Variants in SNRPA1 observed in about 807,000 individuals in gnomAD.
SNRPA1 encodes the protein U2 small nuclear ribonucleoprotein A'.
Under a neutral mutation model 32.3 loss-of-function variants are expected in SNRPA1, and 5 were observed. The observed-to-expected ratio is 0.15, with a 90% CI of 0.08 to 0.33. The LOEUF is 0.33. SNRPA1 is among the 10% of genes least tolerant of loss of function. The pLI, the probability that SNRPA1 is intolerant of heterozygous loss-of-function variation, is 1.00. For synonymous variants in SNRPA1, 111 were observed against 120.1 expected, an observed-to-expected ratio of 0.92 and a Z score of 0.50; for missense variants, 198 against 311.1, an observed-to-expected ratio of 0.64 and a Z score of 2.74.
intron 1 of SNRPA1, among the ~76,000 whole-genome samples, chr15:101,293,764 T>G (rs1351670841): frequency 6.6e-6 from 1 of 152,202 alleles, no homozygotes; most frequent in Non-Finnish European, 1.5e-5. Context: ...TTGGGCATAA[T>G]TATTGTGTTA....
intron 1 of SNRPA1, 160 bp from the exon 2 acceptor site, chr15:101,293,332 T>G: frequency 2.0e-6 from 1 of 506,228 alleles, no homozygotes; most frequent in Non-Finnish European, 3.5e-6. Flanking sequence ...TGCCGCTGTT[T>G]AAGATACTAG....
intron 8 of SNRPA1, among the ~76,000 whole-genome samples, chr15:101,284,403 G>C (rs1323963428): frequency 6.6e-6 from 1 of 152,090 alleles, no homozygotes; most frequent in Non-Finnish European, 1.5e-5. Flanking sequence ...AGTCCACATG[G>C]CTATCGCTAG....
At chr15:101,287,414 T>G (rs2039468567) in intron 4 of SNRPA1, among the ~76,000 whole-genome samples, 2 of 152,114 alleles carry the variant, frequency 1.3e-5, no homozygotes, top group Admixed American at 1.3e-4. Flanking sequence ...AATTCTCACC[T>G]ACGAGTGAGA....
chr15:101,286,205 G>GT lies in SNRPA1; in HGVS notation c.539+8dup. On this transcript the variant is annotated intron_variant, in intron 6 of 8. Transcript: ENST00000254193. ...TGAAGTAGAGTTAAGTTGGATATCC[G>GT]TGTCTTACGTTTTGCTTCTCCTGGC... is the stretch of plus-strand genomic sequence containing the variant. 6.2e-7 allele frequency: 1 copy of GT among 1,610,316 alleles called. No individual in the cohort carries two copies. The highest frequency in any genetic ancestry group is 1.1e-5 in the South Asian group (1 of 90,942).
rs145475783 is a variant in SNRPA1 at position 101,283,796 on chromosome 15, C to T, written c.709+1171G>A. 2.2e-3 allele frequency among the ~76,000 whole-genome samples: 337 copies of T among 152,236 alleles called. 4 individuals carry two copies. Among genetic ancestry groups the T allele is most frequent in the East Asian group, 0.022 (112 of 5,172 alleles). On this transcript the variant is annotated intron_variant, in intron 8 of 8. Coordinates refer to ENST00000254193, the MANE Select transcript of SNRPA1 (RefSeq NM_003090.4). ...CTGTCTCTACTAAAAATTAATTAGCCGGGCACGGTAGCAGGTGCCTGTAAT... is the reference window on the plus strand; with the variant it reads ...CTGTCTCTACTAAAAATTAATTAGCTGGGCACGGTAGCAGGTGCCTGTAAT...
chr15:101,295,168 A>G lies in SNRPA1; in HGVS notation c.11T>C (p.Leu4Pro). MVKLTAELIEQAAQ... is the reference protein window; with the variant it reads MVKPTAELIEQAAQ... The stretch of plus-strand genomic sequence containing the variant: ...CGCCTGCTCGATCAGCTCCGCCGTC[A>G]GCTTGACCATCCTGCAGCCTCCCGT... The change falls in exon 1 of 9, where the codon CTG becomes CCG. Residue 4 changes from leucine to proline, a missense_variant. Leu to Pro is a moderately conservative substitution (Grantham distance 98). Coordinates refer to ENST00000254193, the MANE Select transcript of SNRPA1 (RefSeq NM_003090.4). 1.3e-6 allele frequency: 2 copies of G among 1,554,538 alleles called. No individual in the cohort carries two copies. The highest frequency in any genetic ancestry group is 1.7e-6 in the Non-Finnish European group (2 of 1,154,612).
rs183075062 is a variant in SNRPA1, at chr15:101,285,647, G to A, written c.615+79C>T. ...TGGGAAAATGAAATCTGCAATGTTC[G>A]GAACATGTTTATTATCCAGCTTTGT... On this transcript the variant is annotated intron_variant, in intron 7 of 8. Transcript: ENST00000254193. 5.7e-4 allele frequency: 552 copies of A among 963,552 alleles called. 1 individual carries two copies. Among genetic ancestry groups the A allele is most frequent in the Middle Eastern group, 1.2e-3 (6 of 4,810 alleles). The allele number at this position is 963,552 out of a possible 1,614,324, so 59.7% of individuals were successfully genotyped here.
chr15:101,292,133 T>TA, intron 2 of SNRPA1, 93 bp from the exon 3 acceptor site: 1 of 854,636 alleles, frequency 1.2e-6, no homozygotes, highest in Non-Finnish European at 1.9e-6. Context: ...GAGAGACACT[T>TA]AGAGATCCTT....
intron 3 of SNRPA1, chr15:101,288,064 T>C: frequency 4.3e-6 from 1 of 233,400 alleles, no homozygotes; most frequent in Non-Finnish European, 8.7e-6. Context: ...AGAATCTTGG[T>C]GTAAGTGGGC....
chr15:101,285,600 T>A, intron 7 of SNRPA1, 126 bp downstream of exon 7: 1 of 656,574 alleles, frequency 1.5e-6, no homozygotes, highest in South Asian at 1.9e-5. Flanking sequence ...TAAACAGAAA[T>A]ATTGCTGTAT....
In SNRPA1 at chr15:101,295,236, C is replaced by G; in HGVS notation, c.-58G>C. On this transcript the variant is annotated 5_prime_UTR_variant, in exon 1 of 9. Coordinates refer to ENST00000254193, the MANE Select transcript of SNRPA1 (RefSeq NM_003090.4). ...AGCCCGTGGCCTCCCGCCAGCGAGA[C>G]GTCCCAGCGTGCCCCGCGCCCCGCC... 1 of 1,394,630 alleles carries G rather than the reference C, an allele frequency of 7.2e-7. No homozygotes were observed. Among genetic ancestry groups the G allele is most frequent in the Non-Finnish European group, 9.5e-7 (1 of 1,052,772 alleles). The allele number at this position is 1,394,630 out of a possible 1,614,324, so 86.4% of individuals were successfully genotyped here.
chr15:101,281,943 G>A (rs898836129), intron 8 of SNRPA1, among the ~76,000 whole-genome samples, 161 bp from the exon 9 acceptor site: 1 of 152,236 alleles, frequency 6.6e-6, no homozygotes, highest in African/African-American at 2.4e-5. Flanking sequence ...TCCAGGGACG[G>A]TCTAGTCTGT....
chr15:101,291,826 G>T, intron 3 of SNRPA1, 136 bp downstream of exon 3: 2 of 584,920 alleles, frequency 3.4e-6, no homozygotes, highest in Non-Finnish European at 6.1e-6. Context: ...AACCCAAAAG[G>T]CCCAGATCCT....
intron 7 of SNRPA1, 145 bp from the exon 8 acceptor site, chr15:101,285,205 T>C: frequency 5.2e-6 from 3 of 581,238 alleles, no homozygotes; most frequent in Non-Finnish European, 9.2e-6. Flanking sequence ...GGGAAGAATG[T>C]TATTGGCCCA....
rs529876246 is a variant in SNRPA1 at position 101,286,402 on chromosome 15, T to C, written c.460-109A>G. 7 of 891,320 alleles carry C rather than the reference T, an allele frequency of 7.9e-6. No individual in the cohort carries two copies. In the African/African-American group the frequency reaches 1.0e-4, roughly 13 times the overall value. The allele number at this position is 891,320 out of a possible 1,614,324, so 55.2% of individuals were successfully genotyped here. A position where few individuals can be genotyped will look rare whatever the true frequency, so the allele number is the denominator to read the frequency against. On this transcript the variant is annotated intron_variant, in intron 5 of 8. Coordinates refer to ENST00000254193, the MANE Select transcript of SNRPA1 (RefSeq NM_003090.4). The stretch of plus-strand genomic sequence containing the variant: ...ACTCTCCTACAGTACTCCGGGCTGG[T>C]GAAAATACCAAAAAGCAATTTCAAA...
At chr15:101,285,134 A>T (rs962795709) in intron 7 of SNRPA1, 74 bp from the exon 8 acceptor site, 1 of 1,002,800 alleles carries the variant, frequency 1.0e-6, no homozygotes, top group Non-Finnish European at 1.6e-6. Context: ...ACTAAGTGTC[A>T]ATCACCTACA....
At chr15:101,285,940 T>C in intron 6 of SNRPA1, 139 bp from the exon 7 acceptor site, 3 of 668,030 alleles carry the variant, frequency 4.5e-6, no homozygotes, top group Non-Finnish European at 7.8e-6. Flanking sequence ...AACTCTCTCC[T>C]TCAGAAACAC....
At chr15:101,289,783 AC>A in intron 3 of SNRPA1, 1 of 148,438 alleles carries the variant, frequency 6.7e-6, no homozygotes, top group South Asian at 2.1e-4. Context: ...AAAAAAAAAT[AC>A]AAAAATTAGC....
chr15:101,291,998 T>C lies in SNRPA1; in HGVS notation c.273A>G (p.Thr91=), dbSNP rs779044419. 52 of 1,613,122 alleles carry C rather than the reference T, an allele frequency of 3.2e-5. No individual in the cohort carries two copies. The South Asian group carries it at 5.6e-4, about 17-fold the overall frequency. The change falls in exon 3 of 9, where the codon ACA becomes ACG. Residue 91 remains threonine (T), a synonymous_variant. Coordinates refer to ENST00000254193, the MANE Select transcript of SNRPA1 (RefSeq NM_003090.4). The part of the protein sequence containing the change: ...EGLDQALPCL[T]ELILTNNSLV... Reference sequence around the variant, plus strand: ...GACTATTATTGGTGAGAATGAGTTCTGTCAGACAGGGCAGAGCCTGATCAA... The same window carrying C: ...GACTATTATTGGTGAGAATGAGTTCCGTCAGACAGGGCAGAGCCTGATCAA...
Sources: gnomAD v4.1 joint callset for allele counts (sites outside exome capture counted in the v4.1 genomes callset) on GRCh38, gnomAD v4.1.1 for gene constraint, MANE v1.5 for transcripts, NCBI Gene and HGNC (gene_info 2026-07-23, HGNC 2026-07-21) for gene names.